Variants in PLPP4 observed in about 807,000 individuals in gnomAD.
PLPP4 encodes the protein diacylglycerol pyrophosphate like 2.
A neutral mutation model predicts 32.2 loss-of-function variants in PLPP4; 20 were observed. The ratio of observed to expected loss-of-function variants is 0.62; its 90% confidence interval spans 0.44 to 0.90. PLPP4 has a LOEUF of 0.90. Ranked by LOEUF, PLPP4 falls within the 40% of genes least tolerant of loss-of-function variation. The probability of loss-of-function intolerance (pLI) is 0.00; values close to 1 mark genes in which losing one functional copy is unlikely to be tolerated. For missense variants in PLPP4, 257 were observed against 353.1 expected (o/e 0.73, Z 2.18); for synonymous variants, 127 against 133.0 (o/e 0.95, Z 0.31).
At chr10:120,537,817 T>C (rs1427952324) in intron 5 of PLPP4, among the ~76,000 whole-genome samples, 2 of 151,962 alleles carry the variant, frequency 1.3e-5, no homozygotes, top group African/African-American at 2.4e-5. Context: ...CAATTATTAT[T>C]TGTCAATTAT....
chr10:120,577,422 A>G (rs1849272451), intron 6 of PLPP4, among the ~76,000 whole-genome samples: 1 of 152,194 alleles, frequency 6.6e-6, no homozygotes, highest in South Asian at 2.1e-4. Flanking sequence ...GTGGTAGTGT[A>G]ACATGGCCAG....
intron 5 of PLPP4, among the ~76,000 whole-genome samples, chr10:120,567,117 G>A (rs975773933): frequency 8.5e-5 from 13 of 152,074 alleles, no homozygotes; most frequent in East Asian, 7.7e-4. Context: ...TCAACATAGC[G>A]GCATGTTTAA....
intron 5 of PLPP4, among the ~76,000 whole-genome samples, chr10:120,522,312 G>A (rs770513370): frequency 3.3e-5 from 5 of 152,092 alleles, no homozygotes; most frequent in African/African-American, 9.7e-5. Flanking sequence ...GCTCAGAGCC[G>A]TTGAAGAATA....
At chr10:120,526,972 C>T (rs1405058308) in intron 5 of PLPP4, among the ~76,000 whole-genome samples, 1 of 152,088 alleles carries the variant, frequency 6.6e-6, no homozygotes, top group African/African-American at 2.4e-5. Flanking sequence ...CCACCTGCTT[C>T]CCATCTTCAT....
intron 1 of PLPP4, among the ~76,000 whole-genome samples, chr10:120,481,068 C>G (rs868167014): frequency 2.6e-5 from 4 of 152,324 alleles, no homozygotes; most frequent in Middle Eastern, 3.4e-3. Flanking sequence ...AGACGCTCCA[C>G]CCTGAGCTAT....
intron 5 of PLPP4, among the ~76,000 whole-genome samples, chr10:120,545,705 C>G (rs1847582195): frequency 6.6e-6 from 1 of 152,198 alleles, no homozygotes; most frequent in African/African-American, 2.4e-5. Flanking sequence ...AGGGGTTTGG[C>G]TGCCTTCCAG....
rs1191128923 is a variant in PLPP4, at chr10:120,590,820, A to G, written c.*1318A>G. ...TCTCGCTGTGTCGAGACTGCACTGGAGTGCAGTGGCGTGATCTTGGCTCAC... is the reference window on the plus strand; with the variant it reads ...TCTCGCTGTGTCGAGACTGCACTGGGGTGCAGTGGCGTGATCTTGGCTCAC... On this transcript the variant is annotated 3_prime_UTR_variant, in exon 7 of 7. Coordinates refer to ENST00000398250, the MANE Select transcript of PLPP4 (RefSeq NM_001030059.3). 7.2e-6 allele frequency among the ~76,000 whole-genome samples: 1 copy of G among 138,768 alleles called. No homozygotes were observed. The highest frequency in any genetic ancestry group is 2.2e-4 in the East Asian group (1 of 4,492). The allele number at this position is 138,768 out of a possible 152,430, so 91.0% of individuals were successfully genotyped here. A position where few individuals can be genotyped will look rare whatever the true frequency, so the allele number is the denominator to read the frequency against.
intron 5 of PLPP4, among the ~76,000 whole-genome samples, chr10:120,552,073 T>A (rs1847927002): frequency 6.6e-6 from 1 of 152,044 alleles, no homozygotes; most frequent in South Asian, 2.1e-4. Context: ...ACTGAGTAAA[T>A]ATCTGTTGAA....
intron 1 of PLPP4, among the ~76,000 whole-genome samples, chr10:120,492,251 T>G (rs1241055522): frequency 6.6e-6 from 1 of 152,200 alleles, no homozygotes; most frequent in African/African-American, 2.4e-5. Context: ...TGAAAATATT[T>G]TCAGTCTTCT....
At chr10:120,552,726 G>C (rs190890850) in intron 5 of PLPP4, among the ~76,000 whole-genome samples, 71 of 152,160 alleles carry the variant, frequency 4.7e-4, no homozygotes, top group African/African-American at 1.6e-3. Context: ...GACCTACTTT[G>C]GCCCTACAGA....
At chr10:120,569,683 T>C (rs774809872) in intron 5 of PLPP4, among the ~76,000 whole-genome samples, 23 of 152,216 alleles carry the variant, frequency 1.5e-4, no homozygotes, top group Non-Finnish European at 3.4e-4. Context: ...GGACATGACC[T>C]TTCATGTCTT....
chr10:120,477,704 G>A (rs961475791), intron 1 of PLPP4, among the ~76,000 whole-genome samples: 1 of 152,176 alleles, frequency 6.6e-6, no homozygotes, highest in Non-Finnish European at 1.5e-5. Context: ...TGAGCCCCTT[G>A]GGAGGAGGGG....
intron 1 of PLPP4, among the ~76,000 whole-genome samples, chr10:120,470,622 G>A (rs10886696): frequency 0.089 from 13,457 of 152,040 alleles, 792 homozygotes; most frequent in East Asian, 0.27. Flanking sequence ...ATGGTTTGTC[G>A]GTTATGGAAT....
At position 120,520,197 on chromosome 10, in the gene PLPP4, A is replaced by G. The variant is rs377086535; in HGVS notation, c.321-774A>G. On this transcript the variant is annotated intron_variant, in intron 4 of 6. Coordinates refer to ENST00000398250, the MANE Select transcript of PLPP4 (RefSeq NM_001030059.3). ...CGACTTCAGGCCCAGGGCCACCCCT[A>G]TGTGCCTCTAGAGATCTCTTTCCCA... is the stretch of plus-strand genomic sequence containing the variant. 2.6e-5 allele frequency among the ~76,000 whole-genome samples: 4 copies of G among 152,236 alleles called. No homozygotes were observed. In the South Asian group the frequency reaches 6.2e-4, roughly 24 times the overall value.
Position 120,518,837 on chromosome 10 carries a change from G to A in PLPP4, c.261G>A (p.Val87=), listed in dbSNP as rs375514721. Residue 87 remains valine (V), a synonymous_variant, in exon 4 of 7, where the codon GTG becomes GTA. Coordinates refer to ENST00000398250, the MANE Select transcript of PLPP4 (RefSeq NM_001030059.3). ...KTEIKEAFLA[V]SLALALNGVC... ...TCTGTTGGTTTTGTTTTGTAGCGGT[G>A]TCCTTGGCTCTTGCTTTGAATGGAG... 1.9e-6 allele frequency: 3 copies of A among 1,612,338 alleles called. No individual in the cohort carries two copies. Among genetic ancestry groups the A allele is most frequent in the Non-Finnish European group, 1.7e-6 (2 of 1,179,066 alleles).
intron 1 of PLPP4, among the ~76,000 whole-genome samples, chr10:120,458,188 C>G (rs1334064414): frequency 6.6e-6 from 1 of 152,158 alleles, no homozygotes; most frequent in Admixed American, 6.5e-5. Context: ...CAGACCTGAG[C>G]CCAGAACACC....
intron 5 of PLPP4, among the ~76,000 whole-genome samples, chr10:120,548,742 T>G (rs1459730081): frequency 2.0e-5 from 3 of 152,112 alleles, no homozygotes; most frequent in South Asian, 2.1e-4. Flanking sequence ...CATCTGTTAT[T>G]TTTTTACTTT....
intron 5 of PLPP4, among the ~76,000 whole-genome samples, chr10:120,541,988 G>A (rs916213907): frequency 1.3e-5 from 2 of 152,128 alleles, no homozygotes; most frequent in African/African-American, 4.8e-5. Flanking sequence ...ATGTTGGCCA[G>A]GCTGGTCTCA....
chr10:120,581,326 C>A (rs1439657447), intron 6 of PLPP4: 1 of 984,238 alleles, frequency 1.0e-6, no homozygotes, highest in Non-Finnish European at 1.2e-6. Flanking sequence ...TTTTCCTTCC[C>A]ACTCTGGTCT....
Sources: allele counts gnomAD v4.1 joint callset (sites outside exome capture counted in the v4.1 genomes callset), GRCh38; gene constraint gnomAD v4.1.1; transcripts MANE v1.5; gene names NCBI Gene and HGNC (gene_info 2026-07-23, HGNC 2026-07-21).